ATP1B1: variants seen among roughly 807,000 people sequenced by gnomAD.
ATP1B1 encodes the protein sodium/potassium-transporting ATPase subunit beta-1.
In ATP1B1, 3 loss-of-function variants were observed where a neutral mutation model predicts 39.6. The observed-to-expected ratio is 0.08, with a 90% CI of 0.03 to 0.20. The LOEUF (loss-of-function observed/expected upper bound fraction) is 0.20, where lower values mean the gene tolerates loss of function less well. Among genes scored for constraint, ATP1B1 ranks in the 10% least tolerant of loss-of-function variants. ATP1B1 has a pLI of 1.00. For synonymous variants in ATP1B1, 139 were observed against 135.0 expected, an observed-to-expected ratio of 1.03 and a Z score of -0.20; for missense variants, 216 against 371.1, an observed-to-expected ratio of 0.58 and a Z score of 3.43.
chr1:169,126,369 A>G (rs1658086094), intron 3 of ATP1B1, among the ~76,000 whole-genome samples: 1 of 152,198 alleles, frequency 6.6e-6, no homozygotes, highest in Admixed American at 6.5e-5. Context: ...TTCCTCCAGC[A>G]TGCTATACAT....
Position 169,131,779 on chromosome 1 carries a change from T to C in ATP1B1, c.*224T>C. ...TAAATGACAAAAGAAAAAGAAAAAT[T>C]GAGCCTTGGGACGTGCCCATTTTTA... On this transcript the variant is annotated 3_prime_UTR_variant, in exon 6 of 6. Coordinates refer to ENST00000367815, the MANE Select transcript of ATP1B1 (RefSeq NM_001677.4). This position sits in a 1 kb window ranked among gnomAD's most constrained non-coding sequence, Gnocchi z 4.4. 1 of 598,002 alleles carries C rather than the reference T, an allele frequency of 1.7e-6. No individual in the cohort carries two copies. Among genetic ancestry groups the C allele is most frequent in the African/African-American group, 1.9e-5 (1 of 53,792 alleles). The allele number at this position is 598,002 out of a possible 1,614,324, so 37.0% of individuals were successfully genotyped here.
intron 1 of ATP1B1, among the ~76,000 whole-genome samples, chr1:169,109,876 A>G (rs1431168761): frequency 1.3e-5 from 2 of 151,686 alleles, no homozygotes; most frequent in Non-Finnish European, 2.9e-5. Flanking sequence ...CACTGGAAAA[A>G]TTTTCCAGAT....
At chr1:169,127,677 G>A (rs1658116572) in intron 4 of ATP1B1, among the ~76,000 whole-genome samples, 1 of 151,836 alleles carries the variant, frequency 6.6e-6, no homozygotes, top group African/African-American at 2.4e-5. Flanking sequence ...CTCCTGCTCA[G>A]TATCCAGATA....
chr1:169,129,049 TAGTG>T (rs1419201898), intron 4 of ATP1B1, among the ~76,000 whole-genome samples: 3 of 152,190 alleles, frequency 2.0e-5, no homozygotes, highest in South Asian at 2.1e-4. Flanking sequence ...GGCAACTTCT[TAGTG>T]AGCATTTTCT....
chr1:169,127,766 G>GA (rs1195020519), intron 4 of ATP1B1, among the ~76,000 whole-genome samples: 2 of 142,176 alleles, frequency 1.4e-5, no homozygotes, highest in Non-Finnish European at 1.5e-5. Context: ...AGTGGTTAGA[G>GA]AAAAAAAAAA....
chr1:169,111,242 C>T (rs1391796487), intron 1 of ATP1B1, 128 bp from the exon 2 acceptor site: 29 of 1,307,158 alleles, frequency 2.2e-5, no homozygotes, highest in Non-Finnish European at 2.7e-5. Flanking sequence ...GCACTCTTGA[C>T]GTTGGACAAG....
At chr1:169,129,488 C>G (rs1440969309) in intron 4 of ATP1B1, among the ~76,000 whole-genome samples, 2 of 152,102 alleles carry the variant, frequency 1.3e-5, no homozygotes, top group Non-Finnish European at 2.9e-5. Context: ...AAGAAAATTG[C>G]AAAGAAACGC....
intron 1 of ATP1B1, chr1:169,110,555 T>C: frequency 1.0e-6 from 1 of 988,628 alleles, no homozygotes; most frequent in Non-Finnish European, 1.3e-6. Context: ...CATTCCCATC[T>C]ATGTGTTGAG....
At chr1:169,125,103 T>C (rs1482168538) in intron 3 of ATP1B1, 64 bp downstream of exon 3, 1 of 1,495,042 alleles carries the variant, frequency 6.7e-7, no homozygotes, top group Non-Finnish European at 8.9e-7. Context: ...TATTTCCCAC[T>C]TCTATTTTTT....
chr1:169,113,879 C>T (rs1418308405), intron 2 of ATP1B1, among the ~76,000 whole-genome samples: 1 of 152,218 alleles, frequency 6.6e-6, no homozygotes, highest in Non-Finnish European at 1.5e-5. Flanking sequence ...TAATTTCTGT[C>T]TCTTCTTTTC....
chr1:169,131,442 A>T lies in ATP1B1; in HGVS notation c.799A>T (p.Thr267Ser), dbSNP rs533593487. 1 of 1,614,198 alleles carries T rather than the reference A, an allele frequency of 6.2e-7. No individual in the cohort carries two copies. The highest frequency in any genetic ancestry group is 8.5e-7 in the Non-Finnish European group (1 of 1,180,040). ...PLLAVQFTNLTMDTEIRIECK... is the reference protein window; with the variant it reads ...PLLAVQFTNLSMDTEIRIECK... Reference sequence around the variant, plus strand: ...GCTGGCCGTACAGTTCACCAATCTTACCATGGACACTGAAATTCGCATAGA... The same window carrying T: ...GCTGGCCGTACAGTTCACCAATCTTTCCATGGACACTGAAATTCGCATAGA... Residue 267 changes from threonine (T) to serine (S), a missense_variant, in exon 6 of 6, where the codon ACC (threonine) becomes TCC (serine). By Grantham distance (58) the Thr-to-Ser change is moderately conservative (BLOSUM62 1). Transcript: ENST00000367815. The surrounding 1 kb of genome is among the most constrained non-coding windows in gnomAD (Gnocchi z 4.4).
chr1:169,127,818 A>T (rs10919068), intron 4 of ATP1B1, among the ~76,000 whole-genome samples: 61,915 of 151,848 alleles, frequency 0.41, 14,445 homozygotes, highest in Non-Finnish European at 0.53. Flanking sequence ...TTAAAAAAAA[A>T]ATTTTAACCC....
At chr1:169,128,842 A>C (rs771890686) in intron 4 of ATP1B1, among the ~76,000 whole-genome samples, 25 of 152,186 alleles carry the variant, frequency 1.6e-4, no homozygotes, top group Non-Finnish European at 2.8e-4. Context: ...CTTTAGAGTT[A>C]CTTGGTTCAG....
chr1:169,106,973 C>T, intron 1 of ATP1B1, 47 bp downstream of exon 1: 7 of 1,524,894 alleles, frequency 4.6e-6, no homozygotes, highest in African/African-American at 2.9e-5. Flanking sequence ...TGATCTTTCC[C>T]GGGCGGCGCA....
At chr1:169,111,639 G>A (rs561951685) in intron 2 of ATP1B1, 141 bp downstream of exon 2, 10 of 1,237,824 alleles carry the variant, frequency 8.1e-6, no homozygotes, top group East Asian at 7.4e-5. Context: ...AACTTCTCTC[G>A]GCTGCAGCCA....
In ATP1B1 at chr1:169,131,632, A is replaced by C; in HGVS notation, c.*77A>C. ...CAAAAACAAAAACCTACTAGTCTTGAACAAACTGTCATACGTATGGGACCT... is the reference window on the plus strand; with the variant it reads ...CAAAAACAAAAACCTACTAGTCTTGCACAAACTGTCATACGTATGGGACCT... On this transcript the variant is annotated 3_prime_UTR_variant, in exon 6 of 6. Coordinates refer to ENST00000367815, the MANE Select transcript of ATP1B1 (RefSeq NM_001677.4). The surrounding 1 kb of genome is among the most constrained non-coding windows in gnomAD (Gnocchi z 4.4). 1 of 1,501,090 alleles carries C rather than the reference A, an allele frequency of 6.7e-7. No individual in the cohort carries two copies. Among genetic ancestry groups the C allele is most frequent in the Non-Finnish European group, 9.0e-7 (1 of 1,115,842 alleles). 93.0% of individuals were successfully genotyped at this position (1,501,090 alleles called of 1,614,324 possible).
chr1:169,126,422 A>G (rs957259403), intron 3 of ATP1B1, among the ~76,000 whole-genome samples: 34 of 152,222 alleles, frequency 2.2e-4, no homozygotes, highest in African/African-American at 4.3e-4. Flanking sequence ...TCTGGCTTTT[A>G]TATGAGGATT....
At chr1:169,110,806 A>G in intron 1 of ATP1B1, 1 of 670,464 alleles carries the variant, frequency 1.5e-6, no homozygotes, top group Non-Finnish European at 2.1e-6. Flanking sequence ...AGGGAGAGTG[A>G]TAGTAAAAAA....
chr1:169,107,045 G>A, intron 1 of ATP1B1, 119 bp downstream of exon 1: 1 of 950,194 alleles, frequency 1.1e-6, no homozygotes, highest in Non-Finnish European at 1.5e-6. Flanking sequence ...TGGCGGGGGC[G>A]AGGGTGGTGG....
Sources: allele counts gnomAD v4.1 joint callset (sites outside exome capture counted in the v4.1 genomes callset), GRCh38; gene constraint gnomAD v4.1.1; non-coding constraint Gnocchi (gnomAD v3.1); transcripts MANE v1.5; gene names NCBI Gene and HGNC (gene_info 2026-07-23, HGNC 2026-07-21).